DENND4A: variants seen among roughly 807,000 people sequenced by gnomAD.
DENND4A encodes DENN domain containing 4A, also known as C-myc promoter-binding protein.
In DENND4A, 70 loss-of-function variants were observed where a neutral mutation model predicts 199.3. The observed-to-expected ratio is 0.35, with a 90% CI of 0.29 to 0.43. The LOEUF (loss-of-function observed/expected upper bound fraction) is 0.43. DENND4A is among the 20% of genes least tolerant of loss of function. The pLI is 1.00. For missense variants in DENND4A, 1,723 were observed against 2,255.8 expected (o/e 0.76, Z 4.78); for synonymous variants, 686 against 766.9 (o/e 0.89, Z 1.74).
Position 65,659,322 on chromosome 15 carries a change from G to GTTTTTTTTTTT in DENND4A, c.*2518_*2528dup, listed in dbSNP as rs869058369. The GTTTTTTTTTTT allele has an allele frequency of 1.4e-5, 1 of 71,604 alleles. No homozygotes were observed. The highest frequency in any genetic ancestry group is 3.4e-4 in the East Asian group (1 of 2,924). 4.4% of individuals were successfully genotyped at this position (71,604 alleles called of 1,614,324 possible). On this transcript the variant is annotated 3_prime_UTR_variant, in exon 33 of 33. Coordinates refer to ENST00000443035, the MANE Select transcript of DENND4A (RefSeq NM_001320835.1). ...TATTTTAAATGATTGATATTTTCTG[G>GTTTTTTTTTTT]TTTTTTTTTTTTTTTTTTTTTTTTT... is the stretch of plus-strand genomic sequence containing the variant.
chr15:65,682,886 G>T (rs1190330693), intron 23 of DENND4A, among the ~76,000 whole-genome samples: 2 of 152,152 alleles, frequency 1.3e-5, no homozygotes, highest in Non-Finnish European at 2.9e-5. Flanking sequence ...CCATTTGGTG[G>T]ACAGTCAGAA....
At chr15:65,669,507 A>T (rs756687860) in intron 27 of DENND4A, among the ~76,000 whole-genome samples, 2 of 151,952 alleles carry the variant, frequency 1.3e-5, no homozygotes, top group East Asian at 3.8e-4. Context: ...AGTGTTCTAC[A>T]TTTTTTTTAC....
chr15:65,661,758 A>T lies in DENND4A; in HGVS notation c.*93T>A. ...TGAACCATTTACAAATTGTATTTTC[A>T]AAAATTGAAGAAAAAATATTTAGAG... On this transcript the variant is annotated 3_prime_UTR_variant, in exon 33 of 33. Transcript: ENST00000443035. The T allele has an allele frequency of 8.5e-7, 1 of 1,179,484 alleles. No individual in the cohort carries two copies. Among genetic ancestry groups the T allele is most frequent in the Non-Finnish European group, 1.1e-6 (1 of 871,114 alleles). 73.1% of individuals were successfully genotyped at this position (1,179,484 alleles called of 1,614,324 possible). A position where few individuals can be genotyped will look rare whatever the true frequency, so the allele number is the denominator to read the frequency against.
At chr15:65,755,025 A>ATACCATAT (rs2076664136) in intron 3 of DENND4A, among the ~76,000 whole-genome samples, 1 of 152,278 alleles carries the variant, frequency 6.6e-6, no homozygotes, top group Non-Finnish European at 1.5e-5. Flanking sequence ...TCAACAGATG[A>ATACCATAT]ATAAACTGTG....
chr15:65,762,706 G>A (rs546537729), intron 1 of DENND4A, among the ~76,000 whole-genome samples: 1 of 152,102 alleles, frequency 6.6e-6, no homozygotes, highest in Non-Finnish European at 1.5e-5. Context: ...ACTTTATATA[G>A]CATTTAATTG....
intron 1 of DENND4A, among the ~76,000 whole-genome samples, chr15:65,775,257 G>C (rs1367358018): frequency 1.3e-5 from 2 of 151,704 alleles, no homozygotes; most frequent in African/African-American, 4.8e-5. Context: ...GAGGTGGGAG[G>C]TTTGCTTGAG....
intron 20 of DENND4A, among the ~76,000 whole-genome samples, chr15:65,699,680 T>C (rs941720822): frequency 6.7e-6 from 1 of 148,268 alleles, no homozygotes; most frequent in Admixed American, 6.8e-5. Flanking sequence ...TTTATATATA[T>C]ATATAAATTT....
chr15:65,787,702 A>G (rs562030335), intron 1 of DENND4A, among the ~76,000 whole-genome samples: 1 of 152,358 alleles, frequency 6.6e-6, no homozygotes, highest in South Asian at 2.1e-4. Flanking sequence ...AGCACCAGGA[A>G]AAAGATACTG....
chr15:65,747,178 G>A (rs1364240650), intron 4 of DENND4A, among the ~76,000 whole-genome samples: 2 of 151,738 alleles, frequency 1.3e-5, no homozygotes, highest in Non-Finnish European at 2.9e-5. Flanking sequence ...AAAATTAGCT[G>A]TGTGTTTTAA....
intron 3 of DENND4A, among the ~76,000 whole-genome samples, chr15:65,752,913 A>G (rs986152896): frequency 6.6e-6 from 1 of 152,216 alleles, no homozygotes; most frequent in Non-Finnish European, 1.5e-5. Flanking sequence ...ATCATTTAAT[A>G]TAGTTATTAA....
At chr15:65,686,918 G>T (rs929399525) in intron 23 of DENND4A, among the ~76,000 whole-genome samples, 1 of 152,028 alleles carries the variant, frequency 6.6e-6, no homozygotes, top group African/African-American at 2.4e-5. Context: ...GCCCACGCTG[G>T]TTTCAAACTC....
chr15:65,769,022 A>C (rs1048887442), intron 1 of DENND4A, among the ~76,000 whole-genome samples: 9 of 150,914 alleles, frequency 6.0e-5, no homozygotes, highest in African/African-American at 9.8e-5. Context: ...AAAAAAAAAA[A>C]CCCCCACAAT....
At chr15:65,706,323 A>G in intron 14 of DENND4A, 99 bp from the exon 15 acceptor site, 1 of 1,146,920 alleles carries the variant, frequency 8.7e-7, no homozygotes, top group East Asian at 3.0e-5. Context: ...CACAATGGAT[A>G]CTAAACAGCT....
At chr15:65,711,717 C>T (rs1381474027) in intron 14 of DENND4A, among the ~76,000 whole-genome samples, 2 of 152,304 alleles carry the variant, frequency 1.3e-5, no homozygotes, top group East Asian at 3.9e-4. Context: ...AAACTTTGTA[C>T]ATCAATGGTG....
At chr15:65,677,174 A>G (rs2076408198) in intron 23 of DENND4A, among the ~76,000 whole-genome samples, 1 of 152,186 alleles carries the variant, frequency 6.6e-6, no homozygotes. Context: ...CTACATAAAA[A>G]TGTTATGTGT....
In DENND4A at chr15:65,741,697, A is replaced by G; in HGVS notation, c.631+18T>C. The G allele has an allele frequency of 6.2e-7, 1 of 1,608,254 alleles. No individual in the cohort carries two copies. The highest frequency in any genetic ancestry group is 8.5e-7 in the Non-Finnish European group (1 of 1,175,770). The stretch of plus-strand genomic sequence containing the variant: ...AATACATTTATATATGAAGTATTGC[A>G]TGAAAAATTACACTTACCAGCTTTG... On this transcript the variant is annotated intron_variant, in intron 5 of 32. Coordinates refer to ENST00000443035, the MANE Select transcript of DENND4A (RefSeq NM_001320835.1).
chr15:65,767,158 AG>A (rs1364364476), intron 1 of DENND4A: 1 of 152,226 alleles, frequency 6.6e-6, no homozygotes, highest in Non-Finnish European at 1.5e-5. Context: ...TCAGCACAGT[AG>A]AAAAAAATGA....
chr15:65,685,177 A>G (rs2076723775), intron 23 of DENND4A, among the ~76,000 whole-genome samples: 1 of 143,398 alleles, frequency 7.0e-6, no homozygotes, highest in South Asian at 2.3e-4. Context: ...CCTAGGCCAG[A>G]GTGCAGTGGC....
chr15:65,784,241 A>C (rs964046116), intron 1 of DENND4A, among the ~76,000 whole-genome samples: 3 of 152,220 alleles, frequency 2.0e-5, no homozygotes, highest in African/African-American at 7.2e-5. Flanking sequence ...AAATGCCATC[A>C]CAGCCCAGAT....
Sources: gnomAD v4.1 joint callset for allele counts (sites outside exome capture counted in the v4.1 genomes callset) on GRCh38, gnomAD v4.1.1 for gene constraint, MANE v1.5 for transcripts, NCBI Gene and HGNC (gene_info 2026-07-23, HGNC 2026-07-21) for gene names.